FEZ2: variants seen among roughly 807,000 people sequenced by gnomAD.
FEZ2 encodes fasciculation and elongation protein zeta-2.
Under a neutral mutation model 40.4 loss-of-function variants are expected in FEZ2, and 51 were observed. That is an observed-to-expected ratio of 1.26 (90% CI 1.01 to 1.59). FEZ2 has a LOEUF of 1.59. Among genes scored for constraint, FEZ2 ranks in the 40% most tolerant of loss-of-function variants. FEZ2 has a pLI of 0.00. For synonymous variants in FEZ2, 242 were observed against 172.0 expected, an observed-to-expected ratio of 1.41 and a Z score of -3.18; for missense variants, 640 against 438.3, an observed-to-expected ratio of 1.46 and a Z score of -4.11.
chr2:36,553,923 T>G (rs1265372606), intron 7 of FEZ2, among the ~76,000 whole-genome samples: 1 of 152,160 alleles, frequency 6.6e-6, no homozygotes, highest in Non-Finnish European at 1.5e-5. Context: ...AGCTGTGAAC[T>G]TTCAGGATGG....
intron 5 of FEZ2, among the ~76,000 whole-genome samples, chr2:36,562,623 A>G (rs1489599544): frequency 6.6e-6 from 1 of 152,230 alleles, no homozygotes; most frequent in Non-Finnish European, 1.5e-5. Context: ...CATAACTATT[A>G]GCTTTGATGG....
chr2:36,582,326 C>T (rs1290893734), intron 3 of FEZ2, among the ~76,000 whole-genome samples: 2 of 151,724 alleles, frequency 1.3e-5, no homozygotes, highest in African/African-American at 4.8e-5. Flanking sequence ...AGATTTCCAC[C>T]AAGGAAAAAC....
At chr2:36,580,576 T>TG (rs1371992597) in intron 4 of FEZ2, among the ~76,000 whole-genome samples, 2 of 152,230 alleles carry the variant, frequency 1.3e-5, no homozygotes, top group Non-Finnish European at 2.9e-5. Flanking sequence ...TTCTCACATA[T>TG]GTCAAACAGA....
intron 1 of FEZ2, among the ~76,000 whole-genome samples, chr2:36,596,106 G>A (rs911764208): frequency 1.3e-5 from 2 of 152,164 alleles, no homozygotes; most frequent in African/African-American, 4.8e-5. Flanking sequence ...TTCCAAAAAT[G>A]TCATCTTTTG....
intron 6 of FEZ2, chr2:36,556,082 G>A (rs567865806): frequency 8.1e-6 from 4 of 492,494 alleles, no homozygotes; most frequent in African/African-American, 3.9e-5. Context: ...CCGGAAAGTG[G>A]GTTACTATAA....
intron 5 of FEZ2, chr2:36,560,850 C>G (rs770008552): frequency 6.2e-7 from 1 of 1,609,706 alleles, no homozygotes; most frequent in East Asian, 2.2e-5. Context: ...TTTGAGATCC[C>G]TTCCATGCTG....
chr2:36,580,629 T>C (rs963995395), intron 4 of FEZ2, among the ~76,000 whole-genome samples: 1 of 152,200 alleles, frequency 6.6e-6, no homozygotes. Flanking sequence ...ACAAGACTAT[T>C]TGTACAAACA....
chr2:36,572,746 A>T (rs779417025), intron 5 of FEZ2, among the ~76,000 whole-genome samples: 37 of 152,208 alleles, frequency 2.4e-4, no homozygotes, highest in Admixed American at 3.9e-4. Context: ...AAAAAATTCC[A>T]AATTAAAAAG....
At chr2:36,563,660 T>C (rs2125223165) in intron 5 of FEZ2, among the ~76,000 whole-genome samples, 1 of 152,268 alleles carries the variant, frequency 6.6e-6, no homozygotes, top group African/African-American at 2.4e-5. Context: ...TCTCCCTCTC[T>C]ACTAGCTCCT....
At position 36,557,321 on chromosome 2, in the gene FEZ2, A is replaced by T. The variant is rs1382546124; in HGVS notation, c.979+1117T>A. The T allele has an allele frequency of 2.0e-5, 3 of 152,128 alleles. No individual in the cohort carries two copies. In the South Asian group the frequency reaches 6.2e-4, roughly 31 times the overall value. 9.4% of individuals were successfully genotyped at this position (152,128 alleles called of 1,614,324 possible). A position where few individuals can be genotyped will look rare whatever the true frequency, so the allele number is the denominator to read the frequency against. On this transcript the variant is annotated intron_variant, in intron 6 of 7. Coordinates refer to ENST00000405912, the MANE Select transcript of FEZ2 (RefSeq NM_005102.3). ...TACCCAGTTAATCTCTTGATTTTTTATTTCAGACTGGCTGGCATCACTTGA... is the reference window on the plus strand; with the variant it reads ...TACCCAGTTAATCTCTTGATTTTTTTTTTCAGACTGGCTGGCATCACTTGA...
chr2:36,556,611 C>A (rs1235165720), intron 6 of FEZ2: 2 of 152,190 alleles, frequency 1.3e-5, no homozygotes, highest in African/African-American at 2.4e-5. Context: ...TTGTGTGACG[C>A]TGAGCAAGCT....
chr2:36,577,295 T>G (rs1404583021), intron 5 of FEZ2, among the ~76,000 whole-genome samples: 2 of 152,154 alleles, frequency 1.3e-5, no homozygotes, highest in East Asian at 3.9e-4. Flanking sequence ...TTCGCTTTTG[T>G]TGCCCAGGCT....
intron 5 of FEZ2, among the ~76,000 whole-genome samples, chr2:36,570,449 T>C (rs989369220): frequency 3.3e-5 from 5 of 152,208 alleles, no homozygotes. Context: ...ACTAAACTAA[T>C]TATTGCCAAA....
rs1467329926 is a variant in FEZ2, at chr2:36,555,668, C to T, written c.1045+15G>A. Reference sequence around the variant, plus strand: ...AACCTCCCAGCCATCGCACCTATACCATTATAAAACTCACCTTTCAGAATA... The same window carrying T: ...AACCTCCCAGCCATCGCACCTATACTATTATAAAACTCACCTTTCAGAATA... On this transcript the variant is annotated intron_variant, in intron 7 of 7. Transcript: ENST00000405912. 9 of 1,520,520 alleles carry T rather than the reference C, an allele frequency of 5.9e-6. No homozygotes were observed. The highest frequency in any genetic ancestry group is 1.4e-5 in the African/African-American group (1 of 71,812). 94.2% of individuals were successfully genotyped at this position (1,520,520 alleles called of 1,614,324 possible). A position where few individuals can be genotyped will look rare whatever the true frequency, so the allele number is the denominator to read the frequency against.
Position 36,583,208 on chromosome 2 carries a change from G to C in FEZ2, c.492+145C>G. 4 of 537,876 alleles carry C rather than the reference G, an allele frequency of 7.4e-6. No individual in the cohort carries two copies. In the South Asian group the frequency reaches 1.0e-4, roughly 14 times the overall value. 33.3% of individuals were successfully genotyped at this position (537,876 alleles called of 1,614,324 possible). ...ATCACAAATACTTATTTTTCTCTGT[G>C]GAAGAGTTAACTATTAAGCCTGTAT... is the stretch of plus-strand genomic sequence containing the variant. On this transcript the variant is annotated intron_variant, in intron 3 of 7. Coordinates refer to ENST00000405912, the MANE Select transcript of FEZ2 (RefSeq NM_005102.3).
intron 5 of FEZ2, among the ~76,000 whole-genome samples, chr2:36,568,798 C>A (rs534187166): frequency 1.3e-5 from 2 of 152,218 alleles, no homozygotes; most frequent in Admixed American, 1.3e-4. Context: ...ACCACTGCCT[C>A]GTGGTTGTTT....
chr2:36,562,310 G>T (rs887924594), intron 5 of FEZ2, among the ~76,000 whole-genome samples: 4 of 151,058 alleles, frequency 2.6e-5, no homozygotes, highest in African/African-American at 7.3e-5. Context: ...AAGTTTCTTG[G>T]GGTCCTTGAT....
intron 3 of FEZ2, among the ~76,000 whole-genome samples, chr2:36,582,405 A>T (rs890720264): frequency 6.6e-6 from 1 of 152,194 alleles, no homozygotes; most frequent in South Asian, 2.1e-4. Context: ...GAAATATAAT[A>T]AGGTACAATG....
intron 7 of FEZ2, chr2:36,554,189 G>C: frequency 2.8e-5 from 13 of 471,170 alleles, no homozygotes; most frequent in South Asian, 1.9e-4. Context: ...CCAGCGGCCC[G>C]AGCATGAGGA....
Sources: allele counts gnomAD v4.1 joint callset (sites outside exome capture counted in the v4.1 genomes callset), GRCh38; gene constraint gnomAD v4.1.1; transcripts MANE v1.5; gene names NCBI Gene and HGNC (gene_info 2026-07-23, HGNC 2026-07-21).